Variants in RABL3 observed in about 807,000 individuals in gnomAD.
RABL3 encodes RAB, member of RAS oncogene family like 3, also known as rab-like protein 3.
RABL3 carries 31 observed loss-of-function variants against 31.8 expected under a neutral mutation model. That is an observed-to-expected ratio of 0.97 (90% CI 0.73 to 1.31). RABL3 has a LOEUF of 1.31. Ranked by LOEUF, RABL3 falls within the 40% of genes most tolerant of loss-of-function variation. The pLI is 0.00. For missense variants in RABL3, 263 were observed against 279.6 expected, an observed-to-expected ratio of 0.94 and a Z score of 0.42; for synonymous variants, 97 against 99.9, an observed-to-expected ratio of 0.97 and a Z score of 0.18.
In RABL3 at chr3:120,685,139, C is replaced by G. The variant is rs1376952717; in HGVS notation, c.*4684G>C. Among the ~76,000 whole-genome samples, 2 of 152,156 alleles carry G rather than the reference C, an allele frequency of 1.3e-5. No homozygotes were observed. Among genetic ancestry groups the G allele is most frequent in the Non-Finnish European group, 2.9e-5 (2 of 68,024 alleles). The stretch of plus-strand genomic sequence containing the variant: ...TTCCCAGAGAAGACTATGTCTGAGC[C>G]AAGTCCCATAGAGTAAGAGTTGGAT... On this transcript the variant is annotated 3_prime_UTR_variant, in exon 8 of 8. Coordinates refer to ENST00000273375, the MANE Select transcript of RABL3 (RefSeq NM_173825.5).
intron 2 of RABL3, among the ~76,000 whole-genome samples, chr3:120,728,513 C>T (rs1708847741): frequency 6.6e-6 from 1 of 152,044 alleles, no homozygotes; most frequent in South Asian, 2.1e-4. Flanking sequence ...GCTATTGGGT[C>T]TCCCAAACCT....
chr3:120,705,750 C>A (rs1245642021), intron 4 of RABL3, among the ~76,000 whole-genome samples: 1 of 152,080 alleles, frequency 6.6e-6, no homozygotes, highest in African/African-American at 2.4e-5. Flanking sequence ...AGAAAACCTG[C>A]ATCATCTAGG....
intron 1 of RABL3, among the ~76,000 whole-genome samples, chr3:120,738,184 C>G (rs1027670259): frequency 6.6e-6 from 1 of 152,240 alleles, no homozygotes; most frequent in Non-Finnish European, 1.5e-5. Context: ...TCTTTGTTTA[C>G]TTACTCAAGC....
chr3:120,690,679 C>T (rs2288096), intron 6 of RABL3, among the ~76,000 whole-genome samples, 192 bp from the exon 7 acceptor site: 41,645 of 151,930 alleles, frequency 0.27, 7,547 homozygotes, highest in East Asian at 0.83. Flanking sequence ...TCCATAAAAG[C>T]CTGCCTCATT....
At chr3:120,719,826 T>G (rs1708715399) in intron 2 of RABL3, among the ~76,000 whole-genome samples, 1 of 152,184 alleles carries the variant, frequency 6.6e-6, no homozygotes, top group Non-Finnish European at 1.5e-5. Context: ...CTGACAGCTT[T>G]GAAGAGAGTA....
At chr3:120,716,970 T>C (rs746098756) in intron 2 of RABL3, among the ~76,000 whole-genome samples, 29 of 152,172 alleles carry the variant, frequency 1.9e-4, no homozygotes, top group Non-Finnish European at 4.1e-4. Context: ...ATGGAAGACA[T>C]GGCCAGGCAT....
At chr3:120,696,555 TAA>T (rs1202153137) in intron 5 of RABL3, among the ~76,000 whole-genome samples, 1 of 150,688 alleles carries the variant, frequency 6.6e-6, no homozygotes, top group Non-Finnish European at 1.5e-5. Context: ...GACTCACAGT[TAA>T]AAGATGGCCT....
At chr3:120,728,441 T>C (rs1305519665) in intron 2 of RABL3, among the ~76,000 whole-genome samples, 1 of 152,176 alleles carries the variant, frequency 6.6e-6, no homozygotes, top group Non-Finnish European at 1.5e-5. Context: ...CTTTTCAATA[T>C]GTCATGCTCT....
chr3:120,720,008 A>T (rs1708718308), intron 2 of RABL3, among the ~76,000 whole-genome samples: 1 of 152,228 alleles, frequency 6.6e-6, no homozygotes, highest in Non-Finnish European at 1.5e-5. Context: ...ACAATCAGGC[A>T]GCAACATTTG....
intron 2 of RABL3, among the ~76,000 whole-genome samples, chr3:120,712,126 T>C (rs542244899): frequency 6.6e-6 from 1 of 152,208 alleles, no homozygotes; most frequent in African/African-American, 2.4e-5. Context: ...CACTTTTACT[T>C]ATTCACAATT....
chr3:120,693,706 G>A (rs1708405274), intron 6 of RABL3, among the ~76,000 whole-genome samples: 1 of 152,116 alleles, frequency 6.6e-6, no homozygotes, highest in South Asian at 2.1e-4. Flanking sequence ...GGAAACACTA[G>A]GAAATCAAGA....
At chr3:120,719,221 G>C (rs533638039) in intron 2 of RABL3, among the ~76,000 whole-genome samples, 1 of 152,294 alleles carries the variant, frequency 6.6e-6, no homozygotes, top group Non-Finnish European at 1.5e-5. Context: ...GGGGAGGGTG[G>C]AGCCAGGATG....
At position 120,742,474 on chromosome 3, in the gene RABL3, A is replaced by C. The variant is rs372068086; in HGVS notation, c.34T>G (p.Leu12Val). The change falls in exon 1 of 8, where the codon TTG becomes GTG. Residue 12 changes from leucine (L) to valine (V), a missense_variant. Coordinates refer to ENST00000273375, the MANE Select transcript of RABL3 (RefSeq NM_173825.5). ...ASLDRVKVLVLGDSGVGKSSL... is the reference protein window; with the variant it reads ...ASLDRVKVLVVGDSGVGKSSL... ...GTAAGCCGCTCACCTGAGTCTCCCA[A>C]CACCAGTACCTTCACCCGATCCAGG... 1.8e-5 allele frequency: 29 copies of C among 1,614,040 alleles called. No homozygotes were observed. Among genetic ancestry groups the C allele is most frequent in the Non-Finnish European group, 2.3e-5 (27 of 1,180,012 alleles).
rs1353909466 is a variant in RABL3 at position 120,685,455 on chromosome 3, G to A, written c.*4368C>T. Among the ~76,000 whole-genome samples, 1 of 152,162 alleles carries A rather than the reference G, an allele frequency of 6.6e-6. No individual in the cohort carries two copies. Among genetic ancestry groups the A allele is most frequent in the Admixed American group, 6.5e-5 (1 of 15,280 alleles). On this transcript the variant is annotated 3_prime_UTR_variant, in exon 8 of 8. Coordinates refer to ENST00000273375, the MANE Select transcript of RABL3 (RefSeq NM_173825.5). The stretch of plus-strand genomic sequence containing the variant: ...GAGAAAACACAGTACTAGAGAGGGG[G>A]CTGTGTGTAAGATGGCAAGGCACTG...
At chr3:120,698,299 CTAGAATCCAAA>C (rs1708459746) in intron 5 of RABL3, 113 bp downstream of exon 5, 2 of 920,172 alleles carry the variant, frequency 2.2e-6, no homozygotes, top group African/African-American at 3.3e-5. Context: ...TACGTTTAGA[CTAGAATCCAAA>C]TAGCCTGATT....
rs1395454587 is a variant in RABL3 at position 120,735,874 on chromosome 3, C to T, written c.47-5087G>A. Reference sequence around the variant, plus strand: ...GCGGTTTTGAGTGAGTTTCTCAATCCTGAGTTCTAGTTTGACAGCACTGTG... The same window carrying T: ...GCGGTTTTGAGTGAGTTTCTCAATCTTGAGTTCTAGTTTGACAGCACTGTG... On this transcript the variant is annotated intron_variant, in intron 1 of 7. Coordinates refer to ENST00000273375, the MANE Select transcript of RABL3 (RefSeq NM_173825.5). Among the ~76,000 whole-genome samples the T allele has an allele frequency of 2.6e-5, 4 of 151,940 alleles. No homozygotes were observed. In the East Asian group the frequency reaches 7.7e-4, roughly 29 times the overall value.
At chr3:120,690,983 C>A (rs1343816971) in intron 6 of RABL3, among the ~76,000 whole-genome samples, 1 of 152,108 alleles carries the variant, frequency 6.6e-6, no homozygotes, top group East Asian at 1.9e-4. Context: ...ACAGATGACA[C>A]AACATCAAAA....
At chr3:120,729,224 C>T (rs1275507850) in intron 2 of RABL3, among the ~76,000 whole-genome samples, 1 of 152,152 alleles carries the variant, frequency 6.6e-6, no homozygotes, top group Non-Finnish European at 1.5e-5. Context: ...AACTATAGGT[C>T]TGTGCTACAA....
rs1205687121 is a variant in RABL3 at position 120,688,747 on chromosome 3, T to G, written c.*1076A>C. The G allele has an allele frequency of 2.0e-5, 3 of 151,932 alleles. No individual in the cohort carries two copies. The highest frequency in any genetic ancestry group is 4.4e-5 in the Non-Finnish European group (3 of 67,996). The allele number at this position is 151,932 out of a possible 1,614,324, so 9.4% of individuals were successfully genotyped here. ...CAGGAAGAACTGGGGCAGAGAAGATTAAGCAAGCAAAAAGATAGGTTAAAA... is the reference window on the plus strand; with the variant it reads ...CAGGAAGAACTGGGGCAGAGAAGATGAAGCAAGCAAAAAGATAGGTTAAAA... On this transcript the variant is annotated 3_prime_UTR_variant, in exon 8 of 8. Transcript: ENST00000273375.
Sources: gnomAD v4.1 joint callset for allele counts (sites outside exome capture counted in the v4.1 genomes callset) on GRCh38, gnomAD v4.1.1 for gene constraint, MANE v1.5 for transcripts, NCBI Gene and HGNC (gene_info 2026-07-23, HGNC 2026-07-21) for gene names.